The following MYO1H variants were observed in gnomAD, a reference collection of about 807,000 sequenced individuals.
MYO1H encodes the protein myosin IH, also known as unconventional myosin-Ih.
In MYO1H, 118 loss-of-function variants were observed where a neutral mutation model predicts 149.3. The ratio of observed to expected loss-of-function variants is 0.79; its 90% CI spans 0.68 to 0.92. The LOEUF (loss-of-function observed/expected upper bound fraction) is 0.92. Among genes scored for constraint, MYO1H ranks in the 40% least tolerant of loss-of-function variants. The pLI is 0.00. For missense variants in MYO1H, 1,212 were observed against 1,280.7 expected, an observed-to-expected ratio of 0.95 and a Z score of 0.82; for synonymous variants, 447 against 465.2, an observed-to-expected ratio of 0.96 and a Z score of 0.50.
intron 16 of MYO1H, among the ~76,000 whole-genome samples, chr12:109,424,069 T>C (rs992245733): frequency 6.6e-6 from 1 of 152,222 alleles, no homozygotes; most frequent in Non-Finnish European, 1.5e-5. Flanking sequence ...TATCTCTTTC[T>C]TTCTTTTTAT....
Position 109,430,907 on chromosome 12 carries a change from C to CA in MYO1H, c.1950-1989dup, listed in dbSNP as rs111911900. ...CACCACTGCACTCCAGTCTGGGTGACAGAGTGAGCTCTGTATCAAAAATAT... is the reference window on the plus strand; with the variant it reads ...CACCACTGCACTCCAGTCTGGGTGACAAGAGTGAGCTCTGTATCAAAAATAT... On this transcript the variant is annotated intron_variant, in intron 19 of 31. Transcript: ENST00000310903. 2.4e-3 allele frequency among the ~76,000 whole-genome samples: 362 copies of CA among 151,800 alleles called. 7 individuals carry two copies. The highest frequency in any genetic ancestry group is 8.5e-3 in the African/African-American group (351 of 41,342).
Position 109,413,635 on chromosome 12 carries a change from C to T in MYO1H, c.1502+1650C>T, listed in dbSNP as rs201592809. ...CAAATGAGTACATACTGTGGCCGAGCGTGCTGGTTCATGCCTATAATCCCA... is the reference window on the plus strand; with the variant it reads ...CAAATGAGTACATACTGTGGCCGAGTGTGCTGGTTCATGCCTATAATCCCA... On this transcript the variant is annotated intron_variant, in intron 14 of 31. Transcript: ENST00000310903. Among the ~76,000 whole-genome samples, 5 of 152,138 alleles carry T rather than the reference C, an allele frequency of 3.3e-5. No individual in the cohort carries two copies. In the East Asian group the frequency reaches 7.7e-4, roughly 23 times the overall value.
At chr12:109,402,880 A>G (rs1870223440) in intron 6 of MYO1H, among the ~76,000 whole-genome samples, 1 of 152,176 alleles carries the variant, frequency 6.6e-6, no homozygotes, top group African/African-American at 2.4e-5. Flanking sequence ...CCTTTGATAA[A>G]TCCTTCTCTT....
At chr12:109,446,312 C>A (rs1872476908) in intron 31 of MYO1H, 1 of 968,494 alleles carries the variant, frequency 1.0e-6, no homozygotes, top group African/African-American at 2.0e-5. Context: ...TTGTTTTGAT[C>A]CAGTTTTGCT....
chr12:109,325,753 G>A, the MYO1H span, among the ~76,000 whole-genome samples: 1 of 152,086 alleles, frequency 6.6e-6, no homozygotes, highest in Non-Finnish European at 1.5e-5. Flanking sequence ...TCAAAAAGTG[G>A]GCAAAGGATA....
At chr12:109,396,854 T>G (rs1869940503) in intron 4 of MYO1H, among the ~76,000 whole-genome samples, 1 of 118,502 alleles carries the variant, frequency 8.4e-6, no homozygotes, top group African/African-American at 3.2e-5. Context: ...TGAGACGGAG[T>G]CTCTCTCCGT....
intron 6 of MYO1H, 161 bp downstream of exon 6, chr12:109,401,433 C>T: frequency 1.5e-6 from 1 of 675,568 alleles, no homozygotes; most frequent in Non-Finnish European, 2.3e-6. Context: ...TCTAATCCAT[C>T]TCCTCTTATG....
intron 1 of MYO1H, among the ~76,000 whole-genome samples, chr12:109,378,818 G>A (rs1279839020): frequency 6.6e-6 from 1 of 152,168 alleles, no homozygotes; most frequent in African/African-American, 2.4e-5. Context: ...AGGGGTGGGT[G>A]TGAAGTGGTA....
chr12:109,365,047 G>A (rs921859086), intron 1 of MYO1H, among the ~76,000 whole-genome samples: 4 of 152,208 alleles, frequency 2.6e-5, no homozygotes, highest in African/African-American at 9.7e-5. Flanking sequence ...GAGGCGGGAG[G>A]ATCGCTTGAG....
chr12:109,329,885 C>G, the MYO1H span, among the ~76,000 whole-genome samples: 2 of 152,286 alleles, frequency 1.3e-5, no homozygotes, highest in South Asian at 4.2e-4. Flanking sequence ...GTGATCAAGG[C>G]CAAGCACTGT....
At chr12:109,395,943 G>C (rs532172927) in intron 3 of MYO1H, among the ~76,000 whole-genome samples, 2 of 151,978 alleles carry the variant, frequency 1.3e-5, no homozygotes, top group East Asian at 3.9e-4. Context: ...TTTTGAGACA[G>C]AGTCTTGCTG....
chr12:109,327,518 G>C, the MYO1H span, among the ~76,000 whole-genome samples: 1 of 151,776 alleles, frequency 6.6e-6, no homozygotes, highest in Admixed American at 6.6e-5. Context: ...GGGAGGCCGA[G>C]GGTGGATCAC....
the MYO1H span, among the ~76,000 whole-genome samples, chr12:109,313,813 C>G: frequency 6.6e-6 from 1 of 152,098 alleles, no homozygotes; most frequent in Non-Finnish European, 1.5e-5. Flanking sequence ...ATAATAACCT[C>G]ATTTAATTTT....
chr12:109,358,166 G>C (rs1423422790), intron 1 of MYO1H, among the ~76,000 whole-genome samples: 3 of 151,488 alleles, frequency 2.0e-5, no homozygotes, highest in African/African-American at 7.3e-5. Flanking sequence ...TTTCAATAAC[G>C]CATCATGACA....
At chr12:109,383,268 C>T (rs546674179) in intron 1 of MYO1H, among the ~76,000 whole-genome samples, 113 of 152,338 alleles carry the variant, frequency 7.4e-4, no homozygotes, top group Middle Eastern at 3.4e-3. Context: ...ACCCTCTTCT[C>T]CCCTTAAAAA....
intron 9 of MYO1H, 95 bp downstream of exon 9, chr12:109,406,955 C>T: frequency 8.9e-7 from 1 of 1,118,422 alleles, no homozygotes; most frequent in Non-Finnish European, 1.3e-6. Context: ...GAGGCCAAAC[C>T]TTTGATCCTA....
intron 21 of MYO1H, 128 bp from the exon 22 acceptor site, chr12:109,436,360 C>CT: frequency 1.5e-6 from 1 of 652,682 alleles, no homozygotes; most frequent in Non-Finnish European, 2.7e-6. Flanking sequence ...AAATAGCTTC[C>CT]TGAAACATCA....
the MYO1H span, among the ~76,000 whole-genome samples, chr12:109,331,310 T>G: frequency 6.6e-6 from 1 of 152,248 alleles, no homozygotes; most frequent in East Asian, 1.9e-4. Flanking sequence ...ATTCTGTTTT[T>G]AATTTTTAAC....
Position 109,407,748 on chromosome 12 carries a change from G to A in MYO1H, c.1036-46G>A, listed in dbSNP as rs766796065. ...AAAGACTTCTTTGAACACTCTGGGG[G>A]CTTCTTTTTTCCACCTATAATGATG... On this transcript the variant is annotated intron_variant, in intron 9 of 31. Transcript: ENST00000310903. 3.1e-5 allele frequency: 50 copies of A among 1,597,426 alleles called. No individual in the cohort carries two copies. The Middle Eastern group carries it at 8.4e-4, about 27-fold the overall frequency.
Sources: allele counts gnomAD v4.1 joint callset (sites outside exome capture counted in the v4.1 genomes callset), GRCh38; gene constraint gnomAD v4.1.1; transcripts MANE v1.5; gene names NCBI Gene and HGNC (gene_info 2026-07-23, HGNC 2026-07-21).